Variants in SIK3 observed in about 807,000 individuals in gnomAD.
The protein encoded by SIK3 is serine/threonine-protein kinase SIK3.
Under a neutral mutation model 144.2 loss-of-function variants are expected in SIK3, and 28 were observed. The observed-to-expected ratio is 0.19, with a 90% CI of 0.14 to 0.27. The LOEUF is 0.27. Among genes scored for constraint, SIK3 ranks in the 10% least tolerant of loss-of-function variants. SIK3 has a pLI of 1.00. For synonymous variants in SIK3, 686 were observed against 676.3 expected (o/e 1.01, Z -0.22); for missense variants, 1,319 against 1,776.0 (o/e 0.74, Z 4.62).
At chr11:116,946,593 A>C (rs764489671) in intron 3 of SIK3, among the ~76,000 whole-genome samples, 9 of 152,200 alleles carry the variant, frequency 5.9e-5, no homozygotes, top group African/African-American at 2.2e-4. Context: ...AAGGGTGCTC[A>C]CTATATAAAC....
intron 15 of SIK3, 67 bp from the exon 16 acceptor site, chr11:116,863,885 T>G: frequency 6.8e-7 from 1 of 1,464,890 alleles, no homozygotes; most frequent in South Asian, 1.4e-5. Flanking sequence ...ACACAGGGAC[T>G]GCTGTTCCAG....
intron 1 of SIK3, among the ~76,000 whole-genome samples, chr11:117,021,959 A>AAAC (rs1951794515): frequency 2.8e-5 from 4 of 141,468 alleles, no homozygotes; most frequent in African/African-American, 5.4e-5. Flanking sequence ...AAAAAAAAAA[A>AAAC]AACCTAAAAA....
chr11:116,910,836 A>C (rs1361778578), intron 4 of SIK3, among the ~76,000 whole-genome samples: 1 of 152,270 alleles, frequency 6.6e-6, no homozygotes, highest in Admixed American at 6.5e-5. Context: ...CAACAAAAAA[A>C]ACACAGAAAC....
intron 1 of SIK3, among the ~76,000 whole-genome samples, chr11:116,961,941 T>C (rs1387241573): frequency 2.0e-5 from 3 of 152,216 alleles, no homozygotes; most frequent in Non-Finnish European, 4.4e-5. Context: ...TTATTATTCA[T>C]TCTATGAGAG....
intron 1 of SIK3, among the ~76,000 whole-genome samples, chr11:117,065,478 CG>C (rs1953969773): frequency 6.6e-6 from 1 of 151,804 alleles, no homozygotes; most frequent in South Asian, 2.1e-4. Flanking sequence ...TCCATGAAAA[CG>C]AATGTTAAAC....
chr11:116,952,355 T>C (rs1451324107), intron 3 of SIK3, among the ~76,000 whole-genome samples: 2 of 152,134 alleles, frequency 1.3e-5, no homozygotes, highest in African/African-American at 2.4e-5. Flanking sequence ...TGAGCTAGGA[T>C]TGCACCACTG....
intron 1 of SIK3, among the ~76,000 whole-genome samples, chr11:117,051,455 T>C (rs1230313873): frequency 1.3e-5 from 2 of 152,138 alleles, no homozygotes. Flanking sequence ...ATCTATTATA[T>C]ATATAAAATA....
At chr11:116,994,520 T>G (rs553339621) in intron 1 of SIK3, among the ~76,000 whole-genome samples, 1 of 152,244 alleles carries the variant, frequency 6.6e-6, no homozygotes, top group African/African-American at 2.4e-5. Flanking sequence ...AATATCAAAC[T>G]CACAGGGCAG....
At position 116,954,049 on chromosome 11, in the gene SIK3, A is replaced by G; in HGVS notation, c.449T>C (p.Ile150Thr). 1 of 1,613,442 alleles carries G rather than the reference A, an allele frequency of 6.2e-7. No homozygotes were observed. The highest frequency in any genetic ancestry group is 8.5e-7 in the Non-Finnish European group (1 of 1,179,636). The stretch of plus-strand genomic sequence containing the variant: ...AATGCAATAAATGTACTTACCAAAT[A>G]TTTCCCCTCCACTAGCATATTCTGT... ...LVTEYASGGE[I>T]FDHLVAHGRM... Residue 150 changes from isoleucine to threonine, a missense_variant, in exon 3 of 25, where the codon ATA becomes ACA. This residue lies in a region of SIK3 where 125 missense variants were observed against 285.2 expected (regional missense o/e 0.44). Coordinates refer to ENST00000445177, the MANE Select transcript of SIK3 (RefSeq NM_001366686.3).
In SIK3 at chr11:117,034,458, G is replaced by A. The variant is rs80252597; in HGVS notation, c.273+63685C>T. Among the ~76,000 whole-genome samples the A allele has an allele frequency of 9.4e-3, 1,437 of 152,234 alleles. 26 individuals carry two copies. The highest frequency in any genetic ancestry group is 0.033 in the African/African-American group (1,362 of 41,530). On this transcript the variant is annotated intron_variant, in intron 1 of 24. Transcript: ENST00000445177. ...AAGATACGGTTTATTTGTAAAACAC[G>A]ATGCACAATTGAAGGGAGAAATTAA... is the stretch of plus-strand genomic sequence containing the variant.
chr11:117,069,195 G>C (rs79213085), intron 1 of SIK3, among the ~76,000 whole-genome samples: 9 of 138,998 alleles, frequency 6.5e-5, no homozygotes, highest in African/African-American at 1.9e-4. Flanking sequence ...GGGGGGGGGG[G>C]GGTTTGTTGT....
chr11:116,857,405 T>C (rs371682403), intron 21 of SIK3: 1 of 198,056 alleles, frequency 5.0e-6, no homozygotes, highest in Non-Finnish European at 1.0e-5. Context: ...ATCGTATTTA[T>C]GATAGCTGCA....
intron 6 of SIK3, among the ~76,000 whole-genome samples, chr11:116,887,049 C>A (rs148403721): frequency 0.015 from 2,246 of 152,216 alleles, 22 homozygotes; most frequent in Middle Eastern, 0.071. Flanking sequence ...GATCAAAACA[C>A]CCTTTTACAC....
chr11:116,894,335 A>G (rs1263204457), intron 6 of SIK3, among the ~76,000 whole-genome samples: 2 of 152,154 alleles, frequency 1.3e-5, no homozygotes, highest in Non-Finnish European at 2.9e-5. Flanking sequence ...TTCCAAACAT[A>G]CATCCCCAAC....
At chr11:117,077,406 T>A (rs1954599745) in intron 1 of SIK3, among the ~76,000 whole-genome samples, 1 of 152,212 alleles carries the variant, frequency 6.6e-6, no homozygotes, top group Non-Finnish European at 1.5e-5. Context: ...AAATGTTGGG[T>A]TACTTTAGGG....
chr11:117,017,336 G>C (rs1951581503), intron 1 of SIK3, among the ~76,000 whole-genome samples: 1 of 152,164 alleles, frequency 6.6e-6, no homozygotes, highest in South Asian at 2.1e-4. Flanking sequence ...CACACAAAAA[G>C]CTGGCTCCTA....
intron 1 of SIK3, among the ~76,000 whole-genome samples, chr11:116,982,567 C>T (rs535764456): frequency 2.0e-5 from 3 of 152,158 alleles, no homozygotes; most frequent in Admixed American, 1.3e-4. Context: ...GGATTACAGG[C>T]GTGCGCCACT....
At chr11:116,852,062 C>T (rs1194220995) in intron 21 of SIK3, among the ~76,000 whole-genome samples, 3 of 152,212 alleles carry the variant, frequency 2.0e-5, no homozygotes, top group South Asian at 2.1e-4. Flanking sequence ...CAAACATGAG[C>T]GCTCTCCTGT....
At chr11:116,897,063 G>T in intron 5 of SIK3, 130 bp downstream of exon 5, 2 of 915,470 alleles carry the variant, frequency 2.2e-6, no homozygotes, top group Non-Finnish European at 3.2e-6. Context: ...CACAGGAATT[G>T]GGACTTGAAA....
Sources: allele counts gnomAD v4.1 joint callset (sites outside exome capture counted in the v4.1 genomes callset), GRCh38; gene constraint gnomAD v4.1.1; regional missense constraint gnomAD v4.1.1; transcripts MANE v1.5; gene names NCBI Gene and HGNC (gene_info 2026-07-23, HGNC 2026-07-21).